Variants in SIPA1L2 observed in about 807,000 individuals in gnomAD.
SIPA1L2 encodes signal-induced proliferation-associated 1-like protein 2.
In SIPA1L2, 56 loss-of-function variants were observed where a neutral mutation model predicts 163.9. The observed-to-expected ratio is 0.34, with a 90% CI of 0.28 to 0.43. The LOEUF (loss-of-function observed/expected upper bound fraction) is 0.43. Among genes scored for constraint, SIPA1L2 ranks in the 20% least tolerant of loss-of-function variants. The probability of loss-of-function intolerance (pLI) is 1.00; values close to 1 mark genes in which losing one functional copy is unlikely to be tolerated. For synonymous variants in SIPA1L2, 877 were observed against 865.7 expected, an observed-to-expected ratio of 1.01 and a Z score of -0.23; for missense variants, 1,974 against 2,193.5, an observed-to-expected ratio of 0.90 and a Z score of 2.00.
intron 2 of SIPA1L2, among the ~76,000 whole-genome samples, chr1:232,519,380 G>C (rs573789312): frequency 6.6e-6 from 1 of 152,270 alleles, no homozygotes; most frequent in South Asian, 2.1e-4. Flanking sequence ...TTTTCTGTAG[G>C]TGGCATGCAG....
chr1:232,553,751 A>G (rs1192585853), intron 2 of SIPA1L2, among the ~76,000 whole-genome samples: 2 of 152,216 alleles, frequency 1.3e-5, no homozygotes, highest in African/African-American at 4.8e-5. Context: ...ACTCATTTTA[A>G]AAATTGGTCT....
chr1:232,532,426 T>G (rs923595551), intron 2 of SIPA1L2, among the ~76,000 whole-genome samples: 1 of 152,190 alleles, frequency 6.6e-6, no homozygotes, highest in Non-Finnish European at 1.5e-5. Flanking sequence ...CAGCAAGAAC[T>G]TGATAAATAC....
intron 1 of SIPA1L2, among the ~76,000 whole-genome samples, chr1:232,612,532 A>T (rs1662295924): frequency 6.6e-6 from 1 of 152,244 alleles, no homozygotes; most frequent in African/African-American, 2.4e-5. Flanking sequence ...ACCTGGAGTC[A>T]AAGGAGATCA....
At chr1:232,559,608 A>G (rs533163666) in intron 2 of SIPA1L2, among the ~76,000 whole-genome samples, 1 of 152,366 alleles carries the variant, frequency 6.6e-6, no homozygotes, top group Admixed American at 6.5e-5. Context: ...ATACAAACAT[A>G]CATACACAGA....
At chr1:232,412,881 A>G (rs1194183701) in intron 19 of SIPA1L2, among the ~76,000 whole-genome samples, 1 of 152,214 alleles carries the variant, frequency 6.6e-6, no homozygotes, top group African/African-American at 2.4e-5. Context: ...GTTAGGGGTC[A>G]GTGGTAACTC....
In SIPA1L2 at chr1:232,555,023, G is replaced by T. The variant is rs1167409276; in HGVS notation, c.-270+19151C>A. Among the ~76,000 whole-genome samples, 9 of 152,250 alleles carry T rather than the reference G, an allele frequency of 5.9e-5. No homozygotes were observed. The East Asian group carries it at 1.7e-3, about 29-fold the overall frequency. ...CAAGAAATTGAGTTTACAAACTTAT[G>T]GACATTAATTATTCAATTTTGGCAG... On this transcript the variant is annotated intron_variant, in intron 2 of 22. Coordinates refer to ENST00000674635, the MANE Select transcript of SIPA1L2 (RefSeq NM_020808.5).
At chr1:232,466,647 C>T (rs998903581) in intron 8 of SIPA1L2, among the ~76,000 whole-genome samples, 2 of 152,040 alleles carry the variant, frequency 1.3e-5, no homozygotes, top group East Asian at 1.9e-4. Context: ...AAAAATTAGC[C>T]GGGCGTGGTG....
chr1:232,574,419 C>A (rs1333429567), intron 1 of SIPA1L2, among the ~76,000 whole-genome samples, 197 bp from the exon 2 acceptor site: 3 of 150,480 alleles, frequency 2.0e-5, no homozygotes, highest in African/African-American at 7.3e-5. Flanking sequence ...GAGGAACATA[C>A]GATAGCACAA....
chr1:232,555,586 C>A (rs1658654477), intron 2 of SIPA1L2, among the ~76,000 whole-genome samples: 1 of 152,242 alleles, frequency 6.6e-6, no homozygotes, highest in Non-Finnish European at 1.5e-5. Flanking sequence ...CTTCAGCCCC[C>A]TCTAAGGAAG....
At chr1:232,524,042 AC>A (rs1391579598) in intron 2 of SIPA1L2, among the ~76,000 whole-genome samples, 1 of 152,222 alleles carries the variant, frequency 6.6e-6, no homozygotes, top group East Asian at 1.9e-4. Context: ...CCATCTTTGC[AC>A]TGTTCCCATA....
chr1:232,524,656 T>TA (rs1306041199), intron 2 of SIPA1L2, among the ~76,000 whole-genome samples: 1 of 152,098 alleles, frequency 6.6e-6, no homozygotes, highest in Non-Finnish European at 1.5e-5. Flanking sequence ...ATATATAAAA[T>TA]AAATAACTAC....
chr1:232,406,477 T>C (rs79211163), intron 19 of SIPA1L2, among the ~76,000 whole-genome samples: 2,521 of 152,362 alleles, frequency 0.017, 58 homozygotes, highest in African/African-American at 0.053. Flanking sequence ...CTAAACAAGA[T>C]GAATAGTCAA....
At chr1:232,412,749 T>A (rs939690970) in intron 19 of SIPA1L2, among the ~76,000 whole-genome samples, 1 of 152,156 alleles carries the variant, frequency 6.6e-6, no homozygotes, top group African/African-American at 2.4e-5. Flanking sequence ...TGTCTCACCA[T>A]GACATGCCAC....
At chr1:232,593,122 T>C (rs1231053356) in intron 1 of SIPA1L2, among the ~76,000 whole-genome samples, 1 of 152,204 alleles carries the variant, frequency 6.6e-6, no homozygotes, top group Non-Finnish European at 1.5e-5. Context: ...GCATAAATTA[T>C]TACATATTGT....
intron 1 of SIPA1L2, among the ~76,000 whole-genome samples, chr1:232,626,063 GACAGCAT>G (rs1394449290): frequency 6.6e-6 from 1 of 152,126 alleles, no homozygotes; most frequent in African/African-American, 2.4e-5. Flanking sequence ...CTTTAAGTCT[GACAGCAT>G]ACATATTCTT....
rs559212599 is a variant in SIPA1L2, at chr1:232,536,675, G to T, written c.-269-21067C>A. ...AATAAAACAAACAAACAAAACGACA[G>T]AAGTTCTAAGTCTAATAAGCTCCTT... is the stretch of plus-strand genomic sequence containing the variant. On this transcript the variant is annotated intron_variant, in intron 2 of 22. Coordinates refer to ENST00000674635, the MANE Select transcript of SIPA1L2 (RefSeq NM_020808.5). 2.6e-5 allele frequency among the ~76,000 whole-genome samples: 4 copies of T among 152,260 alleles called. No homozygotes were observed. In the South Asian group the frequency reaches 8.3e-4, roughly 32 times the overall value.
chr1:232,451,561 C>T (rs1336528173), intron 10 of SIPA1L2, among the ~76,000 whole-genome samples: 1 of 152,212 alleles, frequency 6.6e-6, no homozygotes, highest in African/African-American at 2.4e-5. Flanking sequence ...CCGTGTGTAA[C>T]TGCAACATTT....
intron 1 of SIPA1L2, among the ~76,000 whole-genome samples, chr1:232,606,762 G>T (rs568134606): frequency 6.6e-6 from 1 of 151,580 alleles, no homozygotes; most frequent in Admixed American, 6.6e-5. Flanking sequence ...TTGTCAGAAG[G>T]TTAAAAAATA....
chr1:232,447,636 G>C (rs531132545), intron 10 of SIPA1L2, among the ~76,000 whole-genome samples: 9 of 152,336 alleles, frequency 5.9e-5, no homozygotes, highest in Admixed American at 5.2e-4. Flanking sequence ...TGGGGGCCTT[G>C]TCTATTTACA....
Sources: allele counts gnomAD v4.1 joint callset (sites outside exome capture counted in the v4.1 genomes callset), GRCh38; gene constraint gnomAD v4.1.1; transcripts MANE v1.5; gene names NCBI Gene and HGNC (gene_info 2026-07-23, HGNC 2026-07-21).